NAV1: variants seen among roughly 807,000 people sequenced by gnomAD.
NAV1 encodes neuron navigator 1, also known as pore membrane and/or filament interacting like protein 3.
NAV1 carries 18 observed loss-of-function variants against 175.2 expected under a neutral mutation model. That is an observed-to-expected ratio of 0.10 (90% confidence interval 0.07 to 0.15). NAV1 has a LOEUF of 0.15. Ranked by LOEUF, NAV1 falls within the 10% of genes least tolerant of loss-of-function variation. The probability of loss-of-function intolerance (pLI) is 1.00; values close to 1 mark genes in which losing one functional copy is unlikely to be tolerated. For missense variants in NAV1, 1,731 were observed against 2,436.6 expected (o/e 0.71, Z 6.10); for synonymous variants, 897 against 978.7 (o/e 0.92, Z 1.56).
intron 1 of NAV1, among the ~76,000 whole-genome samples, chr1:201,571,458 C>T (rs1019555578): frequency 1.3e-5 from 2 of 152,198 alleles, no homozygotes; most frequent in Non-Finnish European, 2.9e-5. Flanking sequence ...CCAGGTACTG[C>T]CAGGCTCCAG....
At chr1:201,683,033 GT>G (rs993177390) in intron 1 of NAV1, among the ~76,000 whole-genome samples, 11 of 152,062 alleles carry the variant, frequency 7.2e-5, no homozygotes, top group African/African-American at 2.7e-4. Context: ...ATTTACCTGG[GT>G]TTTAGCTCAT....
intron 2 of NAV1, among the ~76,000 whole-genome samples, chr1:201,592,039 G>T (rs1478784468): frequency 6.6e-6 from 1 of 152,142 alleles, no homozygotes; most frequent in Non-Finnish European, 1.5e-5. Flanking sequence ...GACAATGCGA[G>T]GACAGTCTGC....
intron 9 of NAV1, among the ~76,000 whole-genome samples, chr1:201,786,801 T>C (rs1676782013): frequency 6.6e-6 from 1 of 152,162 alleles, no homozygotes; most frequent in African/African-American, 2.4e-5. Context: ...AGGGTCCTTT[T>C]AGCATCAGAG....
At chr1:201,738,815 A>G (rs1304517987) in intron 3 of NAV1, among the ~76,000 whole-genome samples, 1 of 151,678 alleles carries the variant, frequency 6.6e-6, no homozygotes, top group East Asian at 1.9e-4. Context: ...TAGGGGGCTT[A>G]AAAAAATGCT....
rs1672238757 is a variant in NAV1 at position 201,718,650 on chromosome 1, T to C, written c.1121T>C (p.Leu374Pro). 13 of 1,614,170 alleles carry C rather than the reference T, an allele frequency of 8.1e-6. No individual in the cohort carries two copies. The highest frequency in any genetic ancestry group is 1.1e-5 in the Non-Finnish European group (13 of 1,180,028). Reference sequence around the variant, plus strand: ...CTCAGCCATATCTCCCGCCTGGAGCTGGTCGAATCCCTGGACTCGGATGAG... The same window carrying C: ...CTCAGCCATATCTCCCGCCTGGAGCCGGTCGAATCCCTGGACTCGGATGAG... Residue 374 changes from leucine (L) to proline (P), a missense_variant, in exon 3 of 30, where the codon CTG becomes CCG. Leu to Pro is a moderately conservative substitution (Grantham distance 98). Transcript: ENST00000367296. This position sits in a 1 kb window ranked among gnomAD's most constrained non-coding sequence, Gnocchi z 4.8.
intron 3 of NAV1, among the ~76,000 whole-genome samples, chr1:201,776,859 G>A (rs921714617): frequency 6.6e-6 from 1 of 151,818 alleles, no homozygotes; most frequent in African/African-American, 2.4e-5. Flanking sequence ...TACCCAATAC[G>A]ATGGATAAAA....
chr1:201,638,959 C>T (rs1176134411), intron 2 of NAV1, among the ~76,000 whole-genome samples: 3 of 152,162 alleles, frequency 2.0e-5, no homozygotes, highest in Non-Finnish European at 4.4e-5. Flanking sequence ...TATAAGTAGG[C>T]AGAATGTGGG....
intron 1 of NAV1, among the ~76,000 whole-genome samples, chr1:201,650,201 G>T (rs189173627): frequency 2.6e-5 from 4 of 152,236 alleles, no homozygotes; most frequent in Non-Finnish European, 5.9e-5. Context: ...AAGCTTGCTC[G>T]AGTGGAGGAA....
At chr1:201,651,340 C>A (rs1168673199) in intron 1 of NAV1, among the ~76,000 whole-genome samples, 1 of 151,964 alleles carries the variant, frequency 6.6e-6, no homozygotes, top group African/African-American at 2.4e-5. Context: ...CCCATTGAAG[C>A]CCTCTTAGTT....
intron 1 of NAV1, among the ~76,000 whole-genome samples, chr1:201,584,719 C>G (rs1666975272): frequency 6.6e-6 from 1 of 152,210 alleles, no homozygotes; most frequent in South Asian, 2.1e-4. Context: ...AGCCCATCAG[C>G]CCTGCTGACA....
intron 3 of NAV1, among the ~76,000 whole-genome samples, chr1:201,731,220 G>A (rs1359967415): frequency 6.6e-6 from 1 of 151,990 alleles, no homozygotes; most frequent in African/African-American, 2.4e-5. Context: ...TGCACACCAA[G>A]CAGTGGAAAT....
intron 2 of NAV1, among the ~76,000 whole-genome samples, chr1:201,603,750 TTTACAGATGAGCAACTGAGACTTAG>T (rs1256808108): frequency 2.0e-5 from 3 of 152,140 alleles, no homozygotes; most frequent in Non-Finnish European, 4.4e-5. Flanking sequence ...TTATCCCCAT[TTTACAGATGAGCAACTGAGACTTAG>T]GTTAATCATT....
intron 1 of NAV1, among the ~76,000 whole-genome samples, chr1:201,702,700 C>T (rs373078930): frequency 0.19 from 27,039 of 140,176 alleles, 4,718 homozygotes; most frequent in Middle Eastern, 0.33. Flanking sequence ...CTCTCTCTCT[C>T]TCTCTCTCTC....
At chr1:201,581,083 T>C (rs1666846404) in intron 1 of NAV1, among the ~76,000 whole-genome samples, 1 of 151,630 alleles carries the variant, frequency 6.6e-6, no homozygotes, top group Non-Finnish European at 1.5e-5. Flanking sequence ...TTAGCAGAGG[T>C]AGGGAATGGG....
At chr1:201,586,686 G>C (rs1667038147) in intron 1 of NAV1, among the ~76,000 whole-genome samples, 2 of 152,022 alleles carry the variant, frequency 1.3e-5, no homozygotes, top group Admixed American at 6.6e-5. Context: ...AGGAGAGAGG[G>C]AGAGGGGGAG....
chr1:201,665,342 A>G (rs1218862992), intron 1 of NAV1, among the ~76,000 whole-genome samples: 4 of 151,982 alleles, frequency 2.6e-5, no homozygotes, highest in South Asian at 2.1e-4. Context: ...ATGTGTTCTC[A>G]TTGTGCCTCC....
At chr1:201,614,188 CT>C (rs2102260927) in intron 2 of NAV1, among the ~76,000 whole-genome samples, 1 of 152,292 alleles carries the variant, frequency 6.6e-6, no homozygotes, top group Non-Finnish European at 1.5e-5. Context: ...AAATATTTTC[CT>C]TGTCCTCTTT....
chr1:201,781,530 G>A (rs1165000716), intron 5 of NAV1, among the ~76,000 whole-genome samples: 2 of 152,206 alleles, frequency 1.3e-5, no homozygotes, highest in African/African-American at 4.8e-5. Flanking sequence ...AAGAGATTAA[G>A]TGGCTGGGCC....
intron 2 of NAV1, among the ~76,000 whole-genome samples, chr1:201,609,301 ATAGTCCCAC>A (rs1303950971): frequency 3.3e-5 from 5 of 152,204 alleles, no homozygotes; most frequent in African/African-American, 9.7e-5. Flanking sequence ...ACCTCACAAC[ATAGTCCCAC>A]TAACAGGTTT....
Sources: allele counts gnomAD v4.1 joint callset (sites outside exome capture counted in the v4.1 genomes callset), GRCh38; gene constraint gnomAD v4.1.1; non-coding constraint Gnocchi (gnomAD v3.1); transcripts MANE v1.5; gene names NCBI Gene and HGNC (gene_info 2026-07-23, HGNC 2026-07-21).